VOPP1: variants seen among roughly 807,000 people sequenced by gnomAD.
VOPP1 encodes WW domain binding protein VOPP1.
VOPP1 carries 8 observed loss-of-function variants against 23.5 expected under a neutral mutation model. The ratio of observed to expected loss-of-function variants is 0.34; its 90% confidence interval spans 0.20 to 0.61. VOPP1 has a LOEUF of 0.61. Ranked by LOEUF, VOPP1 falls within the 20% of genes least tolerant of loss-of-function variation. VOPP1 has a pLI of 0.78. For missense variants in VOPP1, 174 were observed against 238.1 expected, an observed-to-expected ratio of 0.73 and a Z score of 1.77; for synonymous variants, 83 against 97.3, an observed-to-expected ratio of 0.85 and a Z score of 0.86.
chr7:55,539,377 A>C (rs951086287), intron 1 of VOPP1: 19 of 152,194 alleles, frequency 1.2e-4, no homozygotes, highest in African/African-American at 4.6e-4. Context: ...ACGTGTATTT[A>C]TTGTATTTAA....
intron 4 of VOPP1, among the ~76,000 whole-genome samples, chr7:55,478,139 C>T (rs1792413349): frequency 6.6e-6 from 1 of 152,196 alleles, no homozygotes; most frequent in South Asian, 2.1e-4. Flanking sequence ...TGCATGAAGC[C>T]TGCGGACAGA....
intron 4 of VOPP1, among the ~76,000 whole-genome samples, chr7:55,440,610 G>C (rs893829994): frequency 1.3e-5 from 2 of 152,168 alleles, no homozygotes; most frequent in African/African-American, 4.8e-5. Context: ...TGCTTCCTCT[G>C]CTTTTCAGCT....
chr7:55,558,082 T>C (rs1357999330), intron 1 of VOPP1, among the ~76,000 whole-genome samples: 1 of 152,098 alleles, frequency 6.6e-6, no homozygotes, highest in Non-Finnish European at 1.5e-5. Context: ...TAGGTATTTG[T>C]CAAAAAGTAC....
In VOPP1 at chr7:55,472,950, G is replaced by T; in HGVS notation, c.424C>A (p.Pro142Thr). Reference sequence around the variant, plus strand: ...GCCACACTCCCCTGGGGTGAGTTGGGTGGGACCTGGAAAGCCATTGCCATG... The same window carrying T: ...GCCACACTCCCCTGGGGTGAGTTGGTTGGGACCTGGAAAGCCATTGCCATG... ...NSMAMAFQVP[P>T]NSPQGSVACP... Residue 142 changes from proline to threonine, a missense_variant, in exon 5 of 5, where the codon CCC becomes ACC. Transcript: ENST00000285279. 1.9e-6 allele frequency: 3 copies of T among 1,586,376 alleles called. No homozygotes were observed. Among genetic ancestry groups the T allele is most frequent in the Non-Finnish European group, 2.6e-6 (3 of 1,169,746 alleles).
At chr7:55,510,832 C>G (rs2129034652) in intron 2 of VOPP1, among the ~76,000 whole-genome samples, 1 of 152,188 alleles carries the variant, frequency 6.6e-6, no homozygotes, top group East Asian at 1.9e-4. Context: ...CTTCATGCTC[C>G]CATGCCTGCA....
downstream of VOPP1, among the ~76,000 whole-genome samples, chr7:55,470,455 C>T (rs1171032088): frequency 1.3e-5 from 2 of 152,176 alleles, no homozygotes; most frequent in Non-Finnish European, 2.9e-5. Flanking sequence ...TTGTATCTTA[C>T]ATTCTCAAAT....
intron 4 of VOPP1, among the ~76,000 whole-genome samples, chr7:55,479,146 TTTTC>T (rs1792501368): frequency 8.2e-6 from 1 of 122,390 alleles, no homozygotes; most frequent in African/African-American, 2.6e-5. Flanking sequence ...CCAGAGAACA[TTTTC>T]TTTTTTTTTT....
intron 1 of VOPP1, among the ~76,000 whole-genome samples, chr7:55,564,431 C>T (rs1223754753): frequency 6.6e-6 from 1 of 152,128 alleles, no homozygotes; most frequent in African/African-American, 2.4e-5. Context: ...TTTCACTCAT[C>T]TTTCCTCTCA....
chr7:55,486,636 C>G lies in VOPP1; in HGVS notation c.328+5646G>C, dbSNP rs544212154. Reference sequence around the variant, plus strand: ...AAGTAAGACAGTTCCCACACCCACACCCCCTCACCCTGACCCTGATCAACC... The same window carrying G: ...AAGTAAGACAGTTCCCACACCCACAGCCCCTCACCCTGACCCTGATCAACC... On this transcript the variant is annotated intron_variant, in intron 4 of 4. Coordinates refer to ENST00000285279, the MANE Select transcript of VOPP1 (RefSeq NM_030796.5). Among the ~76,000 whole-genome samples, 3 of 152,372 alleles carry G rather than the reference C, an allele frequency of 2.0e-5. No individual in the cohort carries two copies. In the South Asian group the frequency reaches 6.2e-4, roughly 32 times the overall value.
intron 1 of VOPP1, among the ~76,000 whole-genome samples, chr7:55,567,955 T>A (rs1798216353): frequency 6.6e-6 from 1 of 152,116 alleles, no homozygotes. Flanking sequence ...ATAACTCAGT[T>A]CTAATTTCCA....
At chr7:55,495,293 C>A (rs1465304649) in intron 3 of VOPP1, among the ~76,000 whole-genome samples, 2 of 152,188 alleles carry the variant, frequency 1.3e-5, no homozygotes, top group African/African-American at 4.8e-5. Flanking sequence ...GTGAAAAGAT[C>A]CTCAAGATCT....
At chr7:55,526,018 G>A (rs1328425253) in intron 1 of VOPP1, among the ~76,000 whole-genome samples, 3 of 152,186 alleles carry the variant, frequency 2.0e-5, no homozygotes, top group African/African-American at 4.8e-5. Flanking sequence ...CAGTTTTCAG[G>A]ATGTTGTCCT....
chr7:55,504,524 C>T (rs1171190688), intron 2 of VOPP1, among the ~76,000 whole-genome samples: 1 of 152,238 alleles, frequency 6.6e-6, no homozygotes, highest in African/African-American at 2.4e-5. Flanking sequence ...GAGCTCTGTG[C>T]CTCACCTGGA....
At chr7:55,533,928 AG>A (rs1468198856) in intron 1 of VOPP1, among the ~76,000 whole-genome samples, 1 of 152,100 alleles carries the variant, frequency 6.6e-6, no homozygotes, top group Non-Finnish European at 1.5e-5. Flanking sequence ...CACAGGAAGG[AG>A]GATGGCAAAA....
At chr7:55,465,005 G>C (rs1385453650) in intron 4 of VOPP1, among the ~76,000 whole-genome samples, 3 of 152,144 alleles carry the variant, frequency 2.0e-5, no homozygotes, top group Non-Finnish European at 4.4e-5. Context: ...TCTGCACTGG[G>C]GGGTTTCTCC....
intron 1 of VOPP1, among the ~76,000 whole-genome samples, chr7:55,524,535 T>A (rs771431871): frequency 6.6e-6 from 1 of 152,220 alleles, no homozygotes; most frequent in Non-Finnish European, 1.5e-5. Context: ...ACTAACTCAC[T>A]ACAGTTAATG....
intron 4 of VOPP1, among the ~76,000 whole-genome samples, chr7:55,486,635 A>T (rs1583882976): frequency 6.6e-6 from 1 of 151,900 alleles, no homozygotes; most frequent in Non-Finnish European, 1.5e-5. Flanking sequence ...CCACACCCAC[A>T]CCCCCTCACC....
rs536108823 is a variant in VOPP1 at position 55,514,216 on chromosome 7, G to T, written c.113+6856C>A. Among the ~76,000 whole-genome samples the T allele has an allele frequency of 5.9e-5, 9 of 152,330 alleles. No individual in the cohort carries two copies. In the South Asian group the frequency reaches 1.2e-3, roughly 21 times the overall value. On this transcript the variant is annotated intron_variant, in intron 2 of 4. Coordinates refer to ENST00000285279, the MANE Select transcript of VOPP1 (RefSeq NM_030796.5). ...ATGAGCTAAAATCCATCTCCCATTT[G>T]TCGCTTGTCTCTGCTACAACACACA...
intron 1 of VOPP1, among the ~76,000 whole-genome samples, chr7:55,544,013 A>C (rs1308141884): frequency 6.6e-6 from 1 of 152,174 alleles, no homozygotes; most frequent in Non-Finnish European, 1.5e-5. Flanking sequence ...CATTTCCCCA[A>C]AGTTTTATTT....
Sources: gnomAD v4.1 joint callset for allele counts (sites outside exome capture counted in the v4.1 genomes callset) on GRCh38, gnomAD v4.1.1 for gene constraint, MANE v1.5 for transcripts, NCBI Gene and HGNC (gene_info 2026-07-23, HGNC 2026-07-21) for gene names.